PDGFC: variants seen among roughly 807,000 people sequenced by gnomAD.
The protein encoded by PDGFC is platelet derived growth factor C.
PDGFC carries 12 observed loss-of-function variants against 35.5 expected under a neutral mutation model. That is an observed-to-expected ratio of 0.34 (90% CI 0.22 to 0.55). PDGFC has a LOEUF of 0.55. Ranked by LOEUF, PDGFC falls within the 20% of genes least tolerant of loss-of-function variation. The probability of loss-of-function intolerance (pLI) is 0.91; values close to 1 mark genes in which losing one functional copy is unlikely to be tolerated. For missense variants in PDGFC, 322 were observed against 412.4 expected (o/e 0.78, Z 1.90); for synonymous variants, 159 against 148.8 (o/e 1.07, Z -0.50).
intron 3 of PDGFC, among the ~76,000 whole-genome samples, chr4:156,787,456 G>A (rs568181450): frequency 6.6e-6 from 1 of 152,298 alleles, no homozygotes; most frequent in East Asian, 1.9e-4. Context: ...ATGAGCATGA[G>A]TTTAGAAGAG....
intron 2 of PDGFC, among the ~76,000 whole-genome samples, chr4:156,848,115 A>G (rs1729368998): frequency 6.6e-6 from 1 of 151,514 alleles, no homozygotes; most frequent in Admixed American, 6.6e-5. Context: ...GGAGCAAAAG[A>G]CATAAGCAGG....
At chr4:156,839,809 T>C (rs745811924) in intron 2 of PDGFC, among the ~76,000 whole-genome samples, 1 of 152,070 alleles carries the variant, frequency 6.6e-6, no homozygotes, top group African/African-American at 2.4e-5. Flanking sequence ...CACAATGAGG[T>C]CGAGGCAGAG....
intron 1 of PDGFC, among the ~76,000 whole-genome samples, chr4:156,910,127 G>C (rs932263076): frequency 7.9e-5 from 12 of 152,038 alleles, no homozygotes; most frequent in African/African-American, 2.9e-4. Context: ...ACTGTGAATT[G>C]TTTTTTGTTG....
At chr4:156,772,345 C>G (rs773016587) in intron 4 of PDGFC, among the ~76,000 whole-genome samples, 1 of 151,988 alleles carries the variant, frequency 6.6e-6, no homozygotes, top group Non-Finnish European at 1.5e-5. Flanking sequence ...TCTTTTGAGT[C>G]CCAAAATCAA....
At chr4:156,848,338 GA>G (rs1729374114) in intron 2 of PDGFC, among the ~76,000 whole-genome samples, 1 of 151,652 alleles carries the variant, frequency 6.6e-6, no homozygotes, top group South Asian at 2.1e-4. Flanking sequence ...TGATAATTTT[GA>G]AAAAACAATT....
At chr4:156,901,904 G>A (rs1402790753) in intron 1 of PDGFC, among the ~76,000 whole-genome samples, 7 of 152,098 alleles carry the variant, frequency 4.6e-5, no homozygotes, top group Non-Finnish European at 8.8e-5. Flanking sequence ...GAGCCACGGA[G>A]CCTGGCCAGG....
intron 1 of PDGFC, among the ~76,000 whole-genome samples, chr4:156,929,141 A>G (rs1247693282): frequency 6.6e-6 from 1 of 152,202 alleles, no homozygotes; most frequent in Non-Finnish European, 1.5e-5. Context: ...TGAGACCTCA[A>G]TTTGGAAATA....
At chr4:156,969,951 T>C (rs1732552786) in intron 1 of PDGFC, among the ~76,000 whole-genome samples, 1 of 152,218 alleles carries the variant, frequency 6.6e-6, no homozygotes, top group African/African-American at 2.4e-5. Context: ...AGAAATTGAA[T>C]GATGTAAATC....
intron 3 of PDGFC, among the ~76,000 whole-genome samples, chr4:156,777,105 C>T (rs539306384): frequency 3.9e-5 from 6 of 151,978 alleles, no homozygotes; most frequent in East Asian, 1.9e-4. Flanking sequence ...AAACACTGCC[C>T]TGTGGTACAA....
At position 156,792,499 on chromosome 4, in the gene PDGFC, T is replaced by C. The variant is rs140519025; in HGVS notation, c.495+18338A>G. Among the ~76,000 whole-genome samples the C allele has an allele frequency of 7.9e-5, 12 of 152,254 alleles. No individual in the cohort carries two copies. The East Asian group carries it at 2.3e-3, about 29-fold the overall frequency. On this transcript the variant is annotated intron_variant, in intron 3 of 5. Coordinates refer to ENST00000502773, the MANE Select transcript of PDGFC (RefSeq NM_016205.3). ...AAGCAGGGAAACAGGTGTGCATACA[T>C]GAGCAGATAAATATTTTGAAACTCC...
intron 1 of PDGFC, among the ~76,000 whole-genome samples, chr4:156,915,749 C>T (rs1434474035): frequency 6.6e-6 from 1 of 152,018 alleles, no homozygotes; most frequent in Non-Finnish European, 1.5e-5. Context: ...CCACTGCACT[C>T]CAGCCTGGGC....
At chr4:156,822,988 C>T (rs1579033124) in intron 2 of PDGFC, among the ~76,000 whole-genome samples, 2 of 152,050 alleles carry the variant, frequency 1.3e-5, no homozygotes, top group Admixed American at 6.6e-5. Context: ...CCCACCTCAG[C>T]CTCCCAAAGT....
At chr4:156,937,042 A>G (rs989108324) in intron 1 of PDGFC, among the ~76,000 whole-genome samples, 7 of 152,216 alleles carry the variant, frequency 4.6e-5, no homozygotes, top group Non-Finnish European at 1.0e-4. Flanking sequence ...GCACTAAGGG[A>G]ACATCCACGT....
At chr4:156,894,470 A>G (rs1730584430) in intron 1 of PDGFC, among the ~76,000 whole-genome samples, 1 of 152,224 alleles carries the variant, frequency 6.6e-6, no homozygotes, top group South Asian at 2.1e-4. Flanking sequence ...CATTACAGCA[A>G]GGTTAATACC....
chr4:156,771,673 G>A (rs1227221776), intron 4 of PDGFC, among the ~76,000 whole-genome samples: 2 of 152,176 alleles, frequency 1.3e-5, no homozygotes, highest in Non-Finnish European at 2.9e-5. Context: ...GCAACTCTTA[G>A]AGCAGGAAAG....
chr4:156,949,834 G>A (rs1165377006), intron 1 of PDGFC, among the ~76,000 whole-genome samples: 2 of 151,954 alleles, frequency 1.3e-5, no homozygotes, highest in African/African-American at 4.8e-5. Context: ...GGACATACCT[G>A]AGATGATATA....
chr4:156,961,023 G>A (rs1257863942), intron 1 of PDGFC, among the ~76,000 whole-genome samples: 1 of 152,052 alleles, frequency 6.6e-6, no homozygotes, highest in Non-Finnish European at 1.5e-5. Context: ...ATTTCCAGTA[G>A]GAGAAATGAA....
intron 3 of PDGFC, among the ~76,000 whole-genome samples, chr4:156,784,344 C>T (rs1731062023): frequency 1.3e-5 from 2 of 152,002 alleles, no homozygotes; most frequent in Admixed American, 1.3e-4. Context: ...AGTGATTTTT[C>T]CTCCCAAGGA....
At chr4:156,889,169 C>T (rs1023889789) in intron 1 of PDGFC, among the ~76,000 whole-genome samples, 2 of 152,172 alleles carry the variant, frequency 1.3e-5, no homozygotes, top group African/African-American at 2.4e-5. Flanking sequence ...ACCTTCTTCT[C>T]AGCCATGATT....
Sources: allele counts gnomAD v4.1 joint callset (sites outside exome capture counted in the v4.1 genomes callset), GRCh38; gene constraint gnomAD v4.1.1; transcripts MANE v1.5; gene names NCBI Gene and HGNC (gene_info 2026-07-23, HGNC 2026-07-21).